NCKAP5: variants seen among roughly 807,000 people sequenced by gnomAD.
NCKAP5 encodes nck-associated protein 5.
A neutral mutation model predicts 167.0 loss-of-function variants in NCKAP5; 92 were observed. That is an observed-to-expected ratio of 0.55 (90% confidence interval 0.47 to 0.66). NCKAP5 has a LOEUF of 0.66. Ranked by LOEUF, NCKAP5 falls within the 30% of genes least tolerant of loss-of-function variation. The pLI, the probability that NCKAP5 is intolerant of heterozygous loss-of-function variation, is 0.00. For missense variants in NCKAP5, 2,378 were observed against 2,315.0 expected (o/e 1.03, Z -0.56); for synonymous variants, 891 against 877.4 (o/e 1.02, Z -0.27).
intron 3 of NCKAP5, chr2:133,434,012 T>C (rs527302310): frequency 1.1e-4 from 17 of 152,260 alleles, no homozygotes; most frequent in African/African-American, 3.1e-4. Flanking sequence ...TCCAGTTAAG[T>C]TTGGTATTAT....
Position 132,731,824 on chromosome 2 carries a change from C to A in NCKAP5, c.5356G>T (p.Ala1786Ser), listed in dbSNP as rs765563733. ...STDGQRPADSAIVHSTSDPIM... is the reference protein window; with the variant it reads ...STDGQRPADSSIVHSTSDPIM... ...GGGTCGGATGTGGAATGAACAATGG[C>A]GCTATCTGCAGGGCGCTGGCCGTCT... Residue 1786 changes from alanine to serine, a missense_variant, in exon 17 of 20, where the codon GCC (alanine) becomes TCC (serine). Coordinates refer to ENST00000409261, the MANE Select transcript of NCKAP5 (RefSeq NM_207363.3). 1 of 1,613,782 alleles carries A rather than the reference C, an allele frequency of 6.2e-7. No homozygotes were observed. The highest frequency in any genetic ancestry group is 8.5e-7 in the Non-Finnish European group (1 of 1,179,878).
intron 2 of NCKAP5, among the ~76,000 whole-genome samples, chr2:133,545,277 G>C (rs1686558042): frequency 6.6e-6 from 1 of 152,212 alleles, no homozygotes; most frequent in East Asian, 1.9e-4. Context: ...AGTTCTGCTT[G>C]AAGTCAGTGT....
chr2:133,019,177 G>T (rs868511320), intron 6 of NCKAP5, among the ~76,000 whole-genome samples: 4 of 152,146 alleles, frequency 2.6e-5, no homozygotes, highest in South Asian at 2.1e-4. Flanking sequence ...GTTGCTATAC[G>T]GAGTGGCAAT....
At chr2:133,564,525 C>T (rs977197759) in intron 1 of NCKAP5, among the ~76,000 whole-genome samples, 8 of 152,032 alleles carry the variant, frequency 5.3e-5, no homozygotes, top group African/African-American at 1.2e-4. Flanking sequence ...GTGGCAGCAG[C>T]GGAAGGTAAA....
At chr2:133,013,298 T>C (rs903702701) in intron 6 of NCKAP5, among the ~76,000 whole-genome samples, 2 of 152,190 alleles carry the variant, frequency 1.3e-5, no homozygotes, top group African/African-American at 4.8e-5. Flanking sequence ...GCTCCACACA[T>C]TTTCCACCTT....
At chr2:133,417,898 A>G (rs537944191) in intron 3 of NCKAP5, among the ~76,000 whole-genome samples, 1 of 152,292 alleles carries the variant, frequency 6.6e-6, no homozygotes, top group South Asian at 2.1e-4. Context: ...CAATGTGAGA[A>G]ATTTGGTTGA....
the NCKAP5 span, among the ~76,000 whole-genome samples, chr2:133,656,634 A>C: frequency 6.6e-6 from 1 of 152,188 alleles, no homozygotes; most frequent in South Asian, 2.1e-4. Flanking sequence ...CAGAGATGGC[A>C]TTTGTAAGGC....
At chr2:133,065,096 T>C (rs2080144652) in intron 6 of NCKAP5, among the ~76,000 whole-genome samples, 1 of 152,182 alleles carries the variant, frequency 6.6e-6, no homozygotes, top group African/African-American at 2.4e-5. Flanking sequence ...TGTAAGTTAG[T>C]AGAATAATCT....
intron 8 of NCKAP5, among the ~76,000 whole-genome samples, chr2:132,881,202 A>G (rs1173843113): frequency 6.6e-6 from 1 of 151,952 alleles, no homozygotes; most frequent in Non-Finnish European, 1.5e-5. Context: ...GAGATGGAGT[A>G]TTGCTCTTGT....
At chr2:132,884,851 C>T (rs547320766) in intron 8 of NCKAP5, among the ~76,000 whole-genome samples, 1 of 152,334 alleles carries the variant, frequency 6.6e-6, no homozygotes, top group South Asian at 2.1e-4. Context: ...CTCGCTCCTA[C>T]CCACAATATC....
intron 19 of NCKAP5, among the ~76,000 whole-genome samples, chr2:132,685,266 C>T (rs1685784908): frequency 6.6e-6 from 1 of 152,180 alleles, no homozygotes; most frequent in African/African-American, 2.4e-5. Context: ...AGGTCTCTCT[C>T]TCCTGCCTCC....
chr2:133,434,062 C>A (rs918908509), intron 3 of NCKAP5, among the ~76,000 whole-genome samples: 1 of 152,056 alleles, frequency 6.6e-6, no homozygotes, highest in Non-Finnish European at 1.5e-5. Flanking sequence ...ACAAAGCATT[C>A]TCTCATTGTT....
At chr2:133,246,210 G>T (rs1164335254) in intron 4 of NCKAP5, among the ~76,000 whole-genome samples, 1 of 151,912 alleles carries the variant, frequency 6.6e-6, no homozygotes, top group Non-Finnish European at 1.5e-5. Context: ...GTAGGTAAAG[G>T]GGAGTCACTG....
chr2:133,459,247 T>C (rs927834222), intron 3 of NCKAP5, among the ~76,000 whole-genome samples: 1 of 152,308 alleles, frequency 6.6e-6, no homozygotes, highest in African/African-American at 2.4e-5. Flanking sequence ...GGTCTCACTT[T>C]GTTGCTCAGG....
At position 133,538,750 on chromosome 2, in the gene NCKAP5, T is replaced by G. The variant is rs369329241; in HGVS notation, c.-62+20300A>C. 2.0e-4 allele frequency among the ~76,000 whole-genome samples: 31 copies of G among 152,000 alleles called. 1 individual carries two copies. Among genetic ancestry groups the G allele is most frequent in the East Asian group, 1.7e-3 (9 of 5,152 alleles). On this transcript the variant is annotated intron_variant, in intron 2 of 19. Transcript: ENST00000409261. ...ATAGTCTGGGAAAAGGGTCCCTCAA[T>G]CTTGAAGAAGGATTGTGAAAACTAA...
intron 8 of NCKAP5, among the ~76,000 whole-genome samples, chr2:132,912,377 A>G (rs1344563541): frequency 2.0e-5 from 3 of 152,176 alleles, no homozygotes; most frequent in African/African-American, 7.2e-5. Context: ...TGGACAGTCA[A>G]TCAGGGTTTT....
intron 3 of NCKAP5, among the ~76,000 whole-genome samples, chr2:133,454,192 G>C (rs1691712453): frequency 6.6e-6 from 1 of 151,836 alleles, no homozygotes; most frequent in Non-Finnish European, 1.5e-5. Context: ...GCTTTTAGAG[G>C]GCAGCATATG....
At chr2:133,329,936 C>T (rs1429807778) in intron 3 of NCKAP5, among the ~76,000 whole-genome samples, 1 of 152,006 alleles carries the variant, frequency 6.6e-6, no homozygotes, top group Non-Finnish European at 1.5e-5. Flanking sequence ...TCCAGATATA[C>T]CCCTGAACAA....
intron 10 of NCKAP5, among the ~76,000 whole-genome samples, chr2:132,868,060 CT>C (rs1690499839): frequency 6.6e-6 from 1 of 152,032 alleles, no homozygotes; most frequent in South Asian, 2.1e-4. Flanking sequence ...CAGTCAACCC[CT>C]AATAAAATTA....
Sources: gnomAD v4.1 joint callset for allele counts (sites outside exome capture counted in the v4.1 genomes callset) on GRCh38, gnomAD v4.1.1 for gene constraint, MANE v1.5 for transcripts, NCBI Gene and HGNC (gene_info 2026-07-23, HGNC 2026-07-21) for gene names.